Variants in EIPR1 observed in about 807,000 individuals in gnomAD.
The protein encoded by EIPR1 is EARP and GARP complex-interacting protein 1.
Under a neutral mutation model 48.1 loss-of-function variants are expected in EIPR1, and 25 were observed. The observed-to-expected ratio is 0.52, with a 90% CI of 0.38 to 0.73. EIPR1 has a LOEUF of 0.73. Among genes scored for constraint, EIPR1 ranks in the 30% least tolerant of loss-of-function variants. The pLI, the probability that EIPR1 is intolerant of heterozygous loss-of-function variation, is 0.00. For synonymous variants in EIPR1, 204 were observed against 201.9 expected (o/e 1.01, Z -0.09); for missense variants, 415 against 506.2 (o/e 0.82, Z 1.73).
intron 5 of EIPR1, among the ~76,000 whole-genome samples, chr2:3,212,812 C>T (rs1212581646): frequency 6.6e-6 from 1 of 152,136 alleles, no homozygotes; most frequent in Non-Finnish European, 1.5e-5. Context: ...TGAAGATATG[C>T]CTTATATTTA....
chr2:3,243,456 C>T (rs1283341604), intron 4 of EIPR1, among the ~76,000 whole-genome samples: 1 of 151,986 alleles, frequency 6.6e-6, no homozygotes, highest in Non-Finnish European at 1.5e-5. Context: ...GTGGTAAAAC[C>T]CCATCTCTAC....
intron 3 of EIPR1, among the ~76,000 whole-genome samples, chr2:3,282,064 T>A (rs554215325): frequency 4.6e-5 from 7 of 152,318 alleles, no homozygotes; most frequent in African/African-American, 1.4e-4. Context: ...AAAAGCTCAC[T>A]GATGAGAGCC....
chr2:3,330,859 C>A (rs1055619213), intron 3 of EIPR1, among the ~76,000 whole-genome samples: 2 of 149,818 alleles, frequency 1.3e-5, no homozygotes, highest in Non-Finnish European at 3.0e-5. Flanking sequence ...CAGGTGCACA[C>A]ACTCATGAGA....
intron 1 of EIPR1, among the ~76,000 whole-genome samples, chr2:3,373,181 C>T (rs1407122975): frequency 4.6e-5 from 7 of 151,862 alleles, no homozygotes; most frequent in Middle Eastern, 3.4e-3. Flanking sequence ...AATTCAACAA[C>T]GCTTCATGCT....
intron 5 of EIPR1, among the ~76,000 whole-genome samples, chr2:3,211,202 G>A (rs181295474): frequency 1.3e-5 from 2 of 152,224 alleles, no homozygotes; most frequent in East Asian, 3.9e-4. Flanking sequence ...TGGGCACGCC[G>A]CAGTGAACAG....
intron 5 of EIPR1, chr2:3,207,928 T>C (rs1417097597): frequency 1.3e-5 from 2 of 152,594 alleles, no homozygotes; most frequent in African/African-American, 4.8e-5. Context: ...ATATGCAACT[T>C]AGTAAATCAC....
chr2:3,300,515 C>G (rs761502168), intron 3 of EIPR1, among the ~76,000 whole-genome samples: 1 of 152,236 alleles, frequency 6.6e-6, no homozygotes, highest in Non-Finnish European at 1.5e-5. Flanking sequence ...TCAATGCCAC[C>G]TGCATGTCCA....
intron 4 of EIPR1, among the ~76,000 whole-genome samples, chr2:3,223,838 G>A (rs1665975907): frequency 6.6e-6 from 1 of 151,962 alleles, no homozygotes; most frequent in African/African-American, 2.4e-5. Flanking sequence ...GAACCAATTC[G>A]TCCAGTGGAC....
intron 4 of EIPR1, among the ~76,000 whole-genome samples, chr2:3,231,749 C>T (rs1413377263): frequency 2.6e-5 from 4 of 152,268 alleles, no homozygotes; most frequent in East Asian, 3.9e-4. Flanking sequence ...AATATTTTAT[C>T]GAGGACTTGC....
chr2:3,280,163 G>A (rs1380436025), intron 3 of EIPR1, among the ~76,000 whole-genome samples: 1 of 152,252 alleles, frequency 6.6e-6, no homozygotes, highest in Non-Finnish European at 1.5e-5. Context: ...AGATGCAGCA[G>A]TAATTCCAAA....
intron 3 of EIPR1, among the ~76,000 whole-genome samples, chr2:3,281,437 C>T (rs887715123): frequency 6.6e-6 from 1 of 152,078 alleles, no homozygotes; most frequent in Non-Finnish European, 1.5e-5. Flanking sequence ...GGAATACTTA[C>T]ATCTGTTTCA....
chr2:3,289,360 C>A (rs932565920), intron 3 of EIPR1, among the ~76,000 whole-genome samples: 1 of 152,112 alleles, frequency 6.6e-6, no homozygotes, highest in Admixed American at 6.5e-5. Context: ...ACCCAGGGAC[C>A]CAGAGTATGT....
intron 4 of EIPR1, among the ~76,000 whole-genome samples, chr2:3,218,346 A>G (rs538158025): frequency 1.4e-5 from 2 of 141,912 alleles, no homozygotes; most frequent in Non-Finnish European, 1.5e-5. Flanking sequence ...CACGGCCCTG[A>G]TACACTCTAG....
intron 1 of EIPR1, among the ~76,000 whole-genome samples, chr2:3,372,650 A>G (rs568644803): frequency 0.01 from 1,567 of 152,254 alleles, 11 homozygotes; most frequent in Middle Eastern, 0.02. Context: ...TAAATTCCTC[A>G]ACACATACAC....
At position 3,205,908 on chromosome 2, in the gene EIPR1, T is replaced by C. The variant is rs141532357; in HGVS notation, c.516+8241A>G. On this transcript the variant is annotated intron_variant, in intron 5 of 8. Coordinates refer to ENST00000382125, the MANE Select transcript of EIPR1 (RefSeq NM_003310.5). The stretch of plus-strand genomic sequence containing the variant: ...AAATGTCCAGACAGTGCCTAGCACG[T>C]GGCAGGCATCTTAAACATGTTTTTC... Among the ~76,000 whole-genome samples the C allele has an allele frequency of 1.9e-3, 296 of 152,366 alleles. 1 individual carries two copies. Among genetic ancestry groups the C allele is most frequent in the Non-Finnish European group, 3.6e-3 (243 of 68,032 alleles).
intron 3 of EIPR1, among the ~76,000 whole-genome samples, chr2:3,295,984 C>T (rs1315711197): frequency 3.0e-5 from 4 of 135,540 alleles, no homozygotes; most frequent in East Asian, 2.4e-4. Context: ...CACACACACC[C>T]TCCATCCAGC....
intron 8 of EIPR1, among the ~76,000 whole-genome samples, chr2:3,190,129 T>C (rs1306995961): frequency 6.6e-6 from 1 of 152,038 alleles, no homozygotes; most frequent in South Asian, 2.1e-4. Flanking sequence ...TCGCCTCCCT[T>C]GACTGTGAGT....
intron 4 of EIPR1, among the ~76,000 whole-genome samples, chr2:3,232,112 T>C (rs1666261455): frequency 6.6e-6 from 1 of 152,264 alleles, no homozygotes; most frequent in South Asian, 2.1e-4. Context: ...TGTTTACGCA[T>C]AATTGTTCAC....
intron 5 of EIPR1, among the ~76,000 whole-genome samples, chr2:3,204,944 C>T (rs1366434873): frequency 6.6e-6 from 1 of 152,108 alleles, no homozygotes; most frequent in Non-Finnish European, 1.5e-5. Context: ...GACCCTACTA[C>T]TTGCAGGCCG....
Sources: gnomAD v4.1 joint callset for allele counts (sites outside exome capture counted in the v4.1 genomes callset) on GRCh38, gnomAD v4.1.1 for gene constraint, MANE v1.5 for transcripts, NCBI Gene and HGNC (gene_info 2026-07-23, HGNC 2026-07-21) for gene names.